Variants in LINGO2 observed in about 807,000 individuals in gnomAD.
LINGO2 encodes the protein leucine rich repeat and Ig domain containing 2, also known as leucine-rich repeat and immunoglobulin-like domain-containing nogo receptor-interacting protein 2.
LINGO2 carries 14 observed loss-of-function variants against 30.6 expected under a neutral mutation model. That is an observed-to-expected ratio of 0.46 (90% CI 0.30 to 0.72). The LOEUF (loss-of-function observed/expected upper bound fraction) is 0.72. LINGO2 is among the 30% of genes least tolerant of loss of function. The pLI, the probability that LINGO2 is intolerant of heterozygous loss-of-function variation, is 0.07. For synonymous variants in LINGO2, 317 were observed against 288.5 expected (o/e 1.10, Z -1.00); for missense variants, 729 against 751.7 (o/e 0.97, Z 0.35).
intron 1 of LINGO2, among the ~76,000 whole-genome samples, chr9:28,564,647 A>G (rs1256360684): frequency 4.6e-5 from 7 of 152,076 alleles, no homozygotes; most frequent in Non-Finnish European, 1.5e-5. Context: ...TTTATCTTGA[A>G]TCTTAGGGCT....
intron 4 of LINGO2, among the ~76,000 whole-genome samples, chr9:28,088,363 C>T (rs1416173536): frequency 2.0e-5 from 3 of 152,000 alleles, no homozygotes; most frequent in Non-Finnish European, 4.4e-5. Context: ...ATGGCTAAGA[C>T]TGCTATGCCC....
At chr9:28,802,743 C>T in the LINGO2 span, among the ~76,000 whole-genome samples, 1 of 151,936 alleles carries the variant, frequency 6.6e-6, no homozygotes, top group Non-Finnish European at 1.5e-5. Flanking sequence ...TTCCAGTGTC[C>T]AAGGCATATC....
intron 2 of LINGO2, among the ~76,000 whole-genome samples, chr9:28,402,059 T>G (rs1351548701): frequency 6.6e-6 from 1 of 152,206 alleles, no homozygotes; most frequent in Admixed American, 6.5e-5. Flanking sequence ...AAAGACTAGC[T>G]TTTTGGCATT....
In LINGO2 at chr9:27,952,528, T is replaced by C. The variant is rs150910669; in HGVS notation, c.-35-1822A>G. 7.7e-4 allele frequency among the ~76,000 whole-genome samples: 117 copies of C among 152,068 alleles called. 2 individuals are homozygous for C. Among genetic ancestry groups the C allele is most frequent in the Non-Finnish European group, 1.5e-3 (103 of 67,876 alleles). On this transcript the variant is annotated intron_variant, in intron 5 of 5. Coordinates refer to ENST00000379992, the Ensembl canonical transcript of LINGO2. Reference sequence around the variant, plus strand: ...AATTATGAAAACACCTGCCATACAATGCATTCACACATAAGATACAAAACT... The same window carrying C: ...AATTATGAAAACACCTGCCATACAACGCATTCACACATAAGATACAAAACT...
chr9:29,116,606 G>A, the LINGO2 span, among the ~76,000 whole-genome samples: 1 of 151,336 alleles, frequency 6.6e-6, no homozygotes, highest in Non-Finnish European at 1.5e-5. Context: ...TACAATCTCT[G>A]TAGAAGTACA....
intron 4 of LINGO2, among the ~76,000 whole-genome samples, chr9:28,127,590 C>T (rs1033333757): frequency 1.3e-5 from 2 of 152,100 alleles, no homozygotes; most frequent in Non-Finnish European, 1.5e-5. Flanking sequence ...CCCATGGAAT[C>T]GGACAAGGAA....
the LINGO2 span, among the ~76,000 whole-genome samples, chr9:29,174,166 A>T: frequency 4.6e-5 from 7 of 152,244 alleles, no homozygotes; most frequent in African/African-American, 1.7e-4. Flanking sequence ...GGTTTTGAGC[A>T]AGCATTTGAA....
chr9:28,229,751 G>T (rs1821294272), intron 4 of LINGO2, among the ~76,000 whole-genome samples: 1 of 151,684 alleles, frequency 6.6e-6, no homozygotes, highest in Non-Finnish European at 1.5e-5. Flanking sequence ...CAATCAATTA[G>T]AAACAGAGAA....
intron 1 of LINGO2, among the ~76,000 whole-genome samples, chr9:28,562,952 T>G (rs1275251237): frequency 1.3e-5 from 2 of 152,062 alleles, no homozygotes; most frequent in African/African-American, 4.8e-5. Context: ...GTTCAAGCGA[T>G]TATCCTGCCT....
the LINGO2 span, among the ~76,000 whole-genome samples, chr9:29,152,100 C>T: frequency 6.6e-6 from 1 of 151,870 alleles, no homozygotes; most frequent in African/African-American, 2.4e-5. Context: ...AATGCAAATC[C>T]AAACCACAAT....
At chr9:28,959,172 C>T in the LINGO2 span, among the ~76,000 whole-genome samples, 2 of 150,476 alleles carry the variant, frequency 1.3e-5, no homozygotes, top group African/African-American at 4.9e-5. Context: ...GTTTTGAAAT[C>T]GCTGGATTGG....
At chr9:27,998,037 C>A (rs781218085) in intron 5 of LINGO2, among the ~76,000 whole-genome samples, 1 of 152,128 alleles carries the variant, frequency 6.6e-6, no homozygotes, top group South Asian at 2.1e-4. Context: ...ATATAATGAG[C>A]TTGATACCCA....
intron 4 of LINGO2, among the ~76,000 whole-genome samples, chr9:28,276,032 T>C (rs1322208541): frequency 6.6e-6 from 1 of 152,166 alleles, no homozygotes; most frequent in Non-Finnish European, 1.5e-5. Context: ...AAAATTAACA[T>C]AATAGTACTT....
intron 3 of LINGO2, among the ~76,000 whole-genome samples, chr9:28,346,508 T>A (rs1819576481): frequency 6.6e-6 from 1 of 152,190 alleles, no homozygotes; most frequent in African/African-American, 2.4e-5. Flanking sequence ...TACGTGTGCA[T>A]GTGTCTTTAG....
At chr9:28,237,766 A>G (rs1821629958) in intron 4 of LINGO2, among the ~76,000 whole-genome samples, 1 of 152,150 alleles carries the variant, frequency 6.6e-6, no homozygotes, top group African/African-American at 2.4e-5. Flanking sequence ...GAAGCAGAGA[A>G]TTGCTTGAAC....
intron 3 of LINGO2, among the ~76,000 whole-genome samples, chr9:28,308,795 A>G (rs1276755174): frequency 6.6e-6 from 1 of 152,170 alleles, no homozygotes; most frequent in Non-Finnish European, 1.5e-5. Flanking sequence ...TCTTCTCAAA[A>G]GAAGACATTT....
chr9:29,114,289 C>G, the LINGO2 span, among the ~76,000 whole-genome samples: 2 of 151,660 alleles, frequency 1.3e-5, no homozygotes, highest in South Asian at 4.2e-4. Flanking sequence ...ACCACGGCTT[C>G]AAGTTTAGCA....
At chr9:28,769,516 ATATTTTTTTTTTTTTTTTTTT>A in the LINGO2 span, among the ~76,000 whole-genome samples, 2 of 1,916 alleles carry the variant, frequency 1.0e-3, no homozygotes, top group Admixed American at 6.8e-3. Flanking sequence ...ATATATATAT[ATATTTTTTTTTTTTTTTTTTT>A]TTTTTTTTAC....
At chr9:29,169,511 C>A in the LINGO2 span, among the ~76,000 whole-genome samples, 2 of 151,402 alleles carry the variant, frequency 1.3e-5, no homozygotes, top group South Asian at 2.1e-4. Flanking sequence ...GAGCGGCCAA[C>A]AAACATATGA....
Sources: allele counts gnomAD v4.1 joint callset (sites outside exome capture counted in the v4.1 genomes callset), GRCh38; gene constraint gnomAD v4.1.1; transcripts MANE v1.5; gene names NCBI Gene and HGNC (gene_info 2026-07-23, HGNC 2026-07-21).